The following PTBP3 variants were observed in gnomAD, a reference collection of about 807,000 sequenced individuals.
PTBP3 encodes the protein polypyrimidine tract-binding protein 3.
In PTBP3, 20 loss-of-function variants were observed where a neutral mutation model predicts 58.7. The ratio of observed to expected loss-of-function variants is 0.34; its 90% CI spans 0.24 to 0.50. PTBP3 has a LOEUF of 0.50. PTBP3 is among the 20% of genes least tolerant of loss of function. PTBP3 has a pLI of 0.98. For missense variants in PTBP3, 509 were observed against 637.2 expected, an observed-to-expected ratio of 0.80 and a Z score of 2.17; for synonymous variants, 185 against 219.8, an observed-to-expected ratio of 0.84 and a Z score of 1.40.
chr9:112,339,755 G>C, the PTBP3 span, among the ~76,000 whole-genome samples: 2 of 151,676 alleles, frequency 1.3e-5, no homozygotes, highest in East Asian at 3.9e-4. Flanking sequence ...GTAGAAATGG[G>C]ATTTTGCCAT....
chr9:112,244,581 AG>A (rs1221140809), intron 7 of PTBP3, among the ~76,000 whole-genome samples: 1 of 151,988 alleles, frequency 6.6e-6, no homozygotes, highest in East Asian at 1.9e-4. Context: ...CAGGAGGCTG[AG>A]GTGGGAGGAC....
At chr9:112,241,066 A>G (rs1047763456) in intron 7 of PTBP3, among the ~76,000 whole-genome samples, 2 of 152,102 alleles carry the variant, frequency 1.3e-5, no homozygotes, top group African/African-American at 4.8e-5. Context: ...AGAAAGTTGT[A>G]GTAAGCTAAG....
At chr9:112,293,220 C>T (rs934788681) in intron 2 of PTBP3, among the ~76,000 whole-genome samples, 2 of 152,046 alleles carry the variant, frequency 1.3e-5, no homozygotes, top group African/African-American at 4.8e-5. Flanking sequence ...CTAATGAATA[C>T]ACTTGGAAGG....
the PTBP3 span, among the ~76,000 whole-genome samples, chr9:112,354,056 G>A: frequency 6.6e-6 from 1 of 151,988 alleles, no homozygotes. Context: ...TCACTAATAG[G>A]AACCATACAT....
chr9:112,245,685 G>T (rs1835847503), intron 7 of PTBP3, among the ~76,000 whole-genome samples: 1 of 152,174 alleles, frequency 6.6e-6, no homozygotes, highest in African/African-American at 2.4e-5. Flanking sequence ...TGATTCCAGT[G>T]CCAGGTTGGG....
chr9:112,282,948 G>C (rs1425668015), intron 2 of PTBP3, among the ~76,000 whole-genome samples: 1 of 152,090 alleles, frequency 6.6e-6, no homozygotes, highest in Non-Finnish European at 1.5e-5. Flanking sequence ...TAGTGAGGGA[G>C]TTCTCGCAAG....
At chr9:112,326,380 G>A (rs1587896537) in intron 1 of PTBP3, among the ~76,000 whole-genome samples, 3 of 152,228 alleles carry the variant, frequency 2.0e-5, no homozygotes. Context: ...TTTGTAGTGT[G>A]AAAGGAGCTA....
chr9:112,279,093 G>A (rs1827748108), intron 2 of PTBP3, among the ~76,000 whole-genome samples: 2 of 152,082 alleles, frequency 1.3e-5, no homozygotes, highest in South Asian at 2.1e-4. Context: ...CTGGGAAAGG[G>A]TTATATGTAA....
At chr9:112,303,861 C>CTCAATCAA (rs35404908) in intron 1 of PTBP3, among the ~76,000 whole-genome samples, 3 of 147,908 alleles carry the variant, frequency 2.0e-5, no homozygotes, top group African/African-American at 5.0e-5. Flanking sequence ...GAGACTCCGT[C>CTCAATCAA]TCAATCAATC....
chr9:112,245,643 T>C (rs979016250), intron 7 of PTBP3, among the ~76,000 whole-genome samples: 3 of 152,142 alleles, frequency 2.0e-5, no homozygotes, highest in South Asian at 2.1e-4. Flanking sequence ...CATTTTCCCC[T>C]AAAAGAAACC....
chr9:112,301,203 C>A (rs934155045), intron 1 of PTBP3, among the ~76,000 whole-genome samples: 13 of 152,014 alleles, frequency 8.6e-5, no homozygotes, highest in Admixed American at 3.3e-4. Context: ...AGGTATTTCT[C>A]CAAAGAAGGC....
At chr9:112,264,598 AAGAT>A (rs1836723921) in intron 4 of PTBP3, among the ~76,000 whole-genome samples, 1 of 152,236 alleles carries the variant, frequency 6.6e-6, no homozygotes. Flanking sequence ...TCAGAATAAA[AAGAT>A]ACTACAGTAC....
intron 2 of PTBP3, among the ~76,000 whole-genome samples, chr9:112,294,961 G>A (rs1828604039): frequency 6.6e-6 from 1 of 152,210 alleles, no homozygotes; most frequent in East Asian, 1.9e-4. Flanking sequence ...TACTTAAGAA[G>A]TTAATCTCAG....
intron 1 of PTBP3, among the ~76,000 whole-genome samples, chr9:112,310,516 A>T (rs894289312): frequency 6.6e-6 from 1 of 152,218 alleles, no homozygotes; most frequent in Admixed American, 6.5e-5. Flanking sequence ...TTCATTCAAC[A>T]AATTCGATAA....
rs1468646948 is a variant in PTBP3, at chr9:112,223,680, G to C, written c.*171C>G. ...GAAAAGAAACCTTTGACTGGCGGGGGCAGGGGGAATACAAAAAAAAAAAAT... is the reference window on the plus strand; with the variant it reads ...GAAAAGAAACCTTTGACTGGCGGGGCCAGGGGGAATACAAAAAAAAAAAAT... On this transcript the variant is annotated 3_prime_UTR_variant, in exon 14 of 14. Coordinates refer to ENST00000374257, the MANE Select transcript of PTBP3 (RefSeq NM_001163788.4). The C allele has an allele frequency of 7.4e-7, 1 of 1,343,968 alleles. No homozygotes were observed. Among genetic ancestry groups the C allele is most frequent in the East Asian group, 2.8e-5 (1 of 35,246 alleles). The allele number at this position is 1,343,968 out of a possible 1,614,324, so 83.3% of individuals were successfully genotyped here.
intron 10 of PTBP3, among the ~76,000 whole-genome samples, chr9:112,230,759 A>G (rs1835167818): frequency 1.3e-5 from 2 of 152,236 alleles, no homozygotes; most frequent in South Asian, 4.1e-4. Flanking sequence ...ACTGTCCTTA[A>G]TAAAAATCTT....
At chr9:112,263,757 T>C (rs926848925) in intron 4 of PTBP3, among the ~76,000 whole-genome samples, 2 of 152,218 alleles carry the variant, frequency 1.3e-5, no homozygotes, top group Non-Finnish European at 2.9e-5. Context: ...CTTGCTGATG[T>C]TGACTGTTGT....
intron 1 of PTBP3, among the ~76,000 whole-genome samples, chr9:112,331,122 CACACG>C (rs1310830436): frequency 2.0e-5 from 3 of 150,862 alleles, no homozygotes; most frequent in East Asian, 3.9e-4. Context: ...CACACACACA[CACACG>C]AGAGACAGTT....
chr9:112,252,809 G>C (rs555905354), intron 5 of PTBP3, 21 bp from the exon 6 acceptor site: 2 of 1,347,092 alleles, frequency 1.5e-6, no homozygotes, highest in South Asian at 1.2e-5. Flanking sequence ...GTTCACATTA[G>C]GTTAAATGTA....
Sources: allele counts gnomAD v4.1 joint callset (sites outside exome capture counted in the v4.1 genomes callset), GRCh38; gene constraint gnomAD v4.1.1; transcripts MANE v1.5; gene names NCBI Gene and HGNC (gene_info 2026-07-23, HGNC 2026-07-21).